The following CDV3 variants were observed in gnomAD, a reference collection of about 807,000 sequenced individuals.
CDV3 encodes CDV3 homolog, also known as protein CDV3 homolog.
Under a neutral mutation model 24.5 loss-of-function variants are expected in CDV3, and 14 were observed. The ratio of observed to expected loss-of-function variants is 0.57; its 90% CI spans 0.38 to 0.89. The LOEUF is 0.89. CDV3 is among the 40% of genes least tolerant of loss of function. The probability of loss-of-function intolerance (pLI) is 0.00; values close to 1 mark genes in which losing one functional copy is unlikely to be tolerated. For missense variants in CDV3, 304 were observed against 310.2 expected (o/e 0.98, Z 0.15); for synonymous variants, 114 against 114.1 (o/e 1.00, Z 0.00).
chr3:133,577,215 G>GT (rs1261912408), intron 2 of CDV3, among the ~76,000 whole-genome samples: 3 of 151,962 alleles, frequency 2.0e-5, no homozygotes, highest in Non-Finnish European at 2.9e-5. Context: ...GGCCATCCTA[G>GT]TAGAGGTATT....
Position 133,576,841 on chromosome 3 carries a change from C to CTTTTTTTTTTTTTTTTTTTTTTTTTTTT in CDV3, c.317+1749_317+1750insTTTTTTTTTTTTTTTTTTTTTTTTTTTT, listed in dbSNP as rs370619351. Among the ~76,000 whole-genome samples, 7 of 62,392 alleles carry CTTTTTTTTTTTTTTTTTTTTTTTTTTTT rather than the reference C, an allele frequency of 1.1e-4. 2 individuals are homozygous for CTTTTTTTTTTTTTTTTTTTTTTTTTTTT. Among genetic ancestry groups the CTTTTTTTTTTTTTTTTTTTTTTTTTTTT allele is most frequent in the African/African-American group, 3.4e-4 (5 of 14,734 alleles). 40.9% of individuals were successfully genotyped at this position (62,392 alleles called of 152,430 possible). A position where few individuals can be genotyped will look rare whatever the true frequency, so the allele number is the denominator to read the frequency against. On this transcript the variant is annotated intron_variant, in intron 2 of 4. Transcript: ENST00000264993. ...TCTGTTCAACCTGAAGGTAGACTAG[C>CTTTTTTTTTTTTTTTTTTTTTTTTTTTT]TTTTTTTTTTTTTTTTTTTTTTTGA...
At chr3:133,580,770 GCC>G (rs1227134697) in intron 2 of CDV3, among the ~76,000 whole-genome samples, 1 of 152,002 alleles carries the variant, frequency 6.6e-6, no homozygotes, top group African/African-American at 2.4e-5. Flanking sequence ...TGAACTCCTG[GCC>G]TCAAGTGATC....
intron 3 of CDV3, 68 bp downstream of exon 3, chr3:133,584,218 C>G: frequency 8.6e-7 from 1 of 1,157,564 alleles, no homozygotes; most frequent in South Asian, 1.5e-5. Context: ...GGTCCACTTT[C>G]AACTAAGTGC....
chr3:133,588,459 A>G lies in CDV3; in HGVS notation c.*413A>G. Reference sequence around the variant, plus strand: ...AGAAGATTACAACTATTAAGTGTCGATGTGAACCTTGCAACCAGCTCTACT... The same window carrying G: ...AGAAGATTACAACTATTAAGTGTCGGTGTGAACCTTGCAACCAGCTCTACT... On this transcript the variant is annotated 3_prime_UTR_variant, in exon 5 of 5. Coordinates refer to ENST00000264993, the MANE Select transcript of CDV3 (RefSeq NM_017548.5). The G allele has an allele frequency of 8.0e-7, 1 of 1,250,772 alleles. No individual in the cohort carries two copies. Among genetic ancestry groups the G allele is most frequent in the Non-Finnish European group, 1.1e-6 (1 of 891,380 alleles). The allele number at this position is 1,250,772 out of a possible 1,614,324, so 77.5% of individuals were successfully genotyped here. A position where few individuals can be genotyped will look rare whatever the true frequency, so the allele number is the denominator to read the frequency against.
At chr3:133,576,928 A>T (rs1559780183) in intron 2 of CDV3, among the ~76,000 whole-genome samples, 1 of 136,888 alleles carries the variant, frequency 7.3e-6, no homozygotes, top group African/African-American at 2.8e-5. Context: ...GCTCACTGCA[A>T]CCTCCGCCTT....
chr3:133,587,434 A>C (rs1351246186), intron 4 of CDV3: 2 of 1,166,384 alleles, frequency 1.7e-6, no homozygotes, highest in African/African-American at 3.2e-5. Flanking sequence ...GCAGTGATTC[A>C]CCACACTCGA....
rs139992277 is a variant in CDV3, at chr3:133,576,970, C to G, written c.317+1855C>G. Among the ~76,000 whole-genome samples the G allele has an allele frequency of 3.3e-3, 497 of 149,218 alleles. 3 individuals are homozygous for G. The highest frequency in any genetic ancestry group is 0.012 in the African/African-American group (470 of 40,702). ...TCAAGCGATTCTTCTGCCTCAGCCT[C>G]CCGAGTAGCTGGGATTACAGGCGCC... On this transcript the variant is annotated intron_variant, in intron 2 of 4. Coordinates refer to ENST00000264993, the MANE Select transcript of CDV3 (RefSeq NM_017548.5).
rs142550977 is a variant in CDV3, at chr3:133,574,969, G to A, written c.241-70G>A. The A allele has an allele frequency of 3.3e-3, 3,173 of 963,762 alleles. 17 individuals are homozygous for A. Among genetic ancestry groups the A allele is most frequent in the Middle Eastern group, 0.022 (103 of 4,736 alleles). The allele number at this position is 963,762 out of a possible 1,614,324, so 59.7% of individuals were successfully genotyped here. On this transcript the variant is annotated intron_variant, in intron 1 of 4. Transcript: ENST00000264993. ...GTTCCAGCCACTTGATCCACTTTTC[G>A]TAGTGTGTTATTTGCTTAGTTATAT...
At chr3:133,576,179 A>G (rs2074798792) in intron 2 of CDV3, among the ~76,000 whole-genome samples, 1 of 152,244 alleles carries the variant, frequency 6.6e-6, no homozygotes, top group Non-Finnish European at 1.5e-5. Flanking sequence ...TGAAAACATC[A>G]TTTTGTGAGC....
At position 133,574,134 on chromosome 3, in the gene CDV3, TGCCGCGGGC is replaced by T. The variant is rs1023116340; in HGVS notation, c.93_101del (p.Ala34_Gly36del). On this transcript the variant is annotated inframe_deletion, in exon 1 of 5. Coordinates refer to ENST00000264993, the MANE Select transcript of CDV3 (RefSeq NM_017548.5). ...AGGAGCGGAGCAACCGGGCGGCGAG[TGCCGCGGGC>T]GCAGCGGGCAGCGCCGGCGGAAGCA... The T allele has an allele frequency of 2.5e-6, 3 of 1,191,526 alleles. No individual in the cohort carries two copies. The highest frequency in any genetic ancestry group is 1.6e-5 in the African/African-American group (1 of 61,112). 73.8% of individuals were successfully genotyped at this position (1,191,526 alleles called of 1,614,324 possible). A position where few individuals can be genotyped will look rare whatever the true frequency, so the allele number is the denominator to read the frequency against.
rs1432491644 is a variant in CDV3, at chr3:133,590,122, T to C, written c.*2076T>C. The C allele has an allele frequency of 6.6e-6, 1 of 152,172 alleles. No homozygotes were observed. Among genetic ancestry groups the C allele is most frequent in the Non-Finnish European group, 1.5e-5 (1 of 68,022 alleles). 9.4% of individuals were successfully genotyped at this position (152,172 alleles called of 1,614,324 possible). A position where few individuals can be genotyped will look rare whatever the true frequency, so the allele number is the denominator to read the frequency against. ...AAAAGATTGTGAAAATATCAAAATA[T>C]AAATGAATCAAGTTTTAATATACTG... On this transcript the variant is annotated 3_prime_UTR_variant, in exon 5 of 5. Transcript: ENST00000264993.
intron 4 of CDV3, among the ~76,000 whole-genome samples, chr3:133,586,984 A>G (rs965080698): frequency 6.6e-6 from 1 of 152,232 alleles, no homozygotes; most frequent in Admixed American, 6.5e-5. Context: ...GTTGTTTTAT[A>G]GCAATGACAA....
intron 2 of CDV3, among the ~76,000 whole-genome samples, chr3:133,575,848 A>G (rs1350174432): frequency 2.0e-5 from 3 of 152,248 alleles, no homozygotes; most frequent in African/African-American, 7.2e-5. Context: ...ATGTTAAGTA[A>G]GTGCTATATT....
chr3:133,574,983 G>C (rs369127985), intron 1 of CDV3, 56 bp from the exon 2 acceptor site: 1 of 1,059,300 alleles, frequency 9.4e-7, no homozygotes, highest in Non-Finnish European at 1.5e-6. Flanking sequence ...TGTGTTATTT[G>C]CTTAGTTATA....
At chr3:133,574,529 G>A in intron 1 of CDV3, 1 of 986,244 alleles carries the variant, frequency 1.0e-6, no homozygotes, top group Non-Finnish European at 1.2e-6. Context: ...GGCCCGGGCG[G>A]CGCCACCCTC....
chr3:133,574,634 C>G (rs2074732886), intron 1 of CDV3: 1 of 1,024,866 alleles, frequency 9.8e-7, no homozygotes, highest in African/African-American at 1.7e-5. Context: ...GACCTCAGCC[C>G]AGTAGTTTGA....
intron 3 of CDV3, among the ~76,000 whole-genome samples, chr3:133,585,597 C>G (rs554737637): frequency 5.8e-4 from 88 of 151,840 alleles, no homozygotes; most frequent in Middle Eastern, 3.4e-3. Context: ...CGGGTTCAAG[C>G]TATTCTCCTG....
Position 133,589,538 on chromosome 3 carries a change from A to G in CDV3, c.*1492A>G, listed in dbSNP as rs1289749086. On this transcript the variant is annotated 3_prime_UTR_variant, in exon 5 of 5. Coordinates refer to ENST00000264993, the MANE Select transcript of CDV3 (RefSeq NM_017548.5). ...AGAAATATGTGAAAGTGGTAATGTCATCATTTGATGCAGAGTCCGGGTTTC... is the reference window on the plus strand; with the variant it reads ...AGAAATATGTGAAAGTGGTAATGTCGTCATTTGATGCAGAGTCCGGGTTTC... 3 of 152,658 alleles carry G rather than the reference A, an allele frequency of 2.0e-5. No individual in the cohort carries two copies. The highest frequency in any genetic ancestry group is 1.9e-4 in the East Asian group (1 of 5,202). The allele number at this position is 152,658 out of a possible 1,614,324, so 9.5% of individuals were successfully genotyped here.
chr3:133,575,967 C>T (rs7617385), intron 2 of CDV3, among the ~76,000 whole-genome samples: 16,737 of 152,202 alleles, frequency 0.11, 1,122 homozygotes, highest in African/African-American at 0.19. Context: ...GATAAACTGT[C>T]TCCAGTTTGA....
Sources: gnomAD v4.1 joint callset for allele counts (sites outside exome capture counted in the v4.1 genomes callset) on GRCh38, gnomAD v4.1.1 for gene constraint, MANE v1.5 for transcripts, NCBI Gene and HGNC (gene_info 2026-07-23, HGNC 2026-07-21) for gene names.